TRIM24: variants seen among roughly 807,000 people sequenced by gnomAD.
The protein encoded by TRIM24 is tripartite motif containing 24.
In TRIM24, 29 loss-of-function variants were observed where a neutral mutation model predicts 123.9. The ratio of observed to expected loss-of-function variants is 0.23; its 90% CI spans 0.17 to 0.32. TRIM24 has a LOEUF of 0.32. TRIM24 is among the 10% of genes least tolerant of loss of function. The pLI is 1.00. For missense variants in TRIM24, 932 were observed against 1,295.3 expected (o/e 0.72, Z 4.31); for synonymous variants, 456 against 461.1 (o/e 0.99, Z 0.14).
rs1422690210 is a variant in TRIM24 at position 138,573,482 on chromosome 7, CTGAAA to C, written c.1879-23_1879-19del. The C allele has an allele frequency of 2.6e-6, 4 of 1,517,534 alleles. No homozygotes were observed. The highest frequency in any genetic ancestry group is 3.5e-6 in the Non-Finnish European group (4 of 1,130,268). 94.0% of individuals were successfully genotyped at this position (1,517,534 alleles called of 1,614,324 possible). On this transcript the variant is annotated intron_variant, in intron 11 of 18. Coordinates refer to ENST00000343526, the MANE Select transcript of TRIM24 (RefSeq NM_015905.3). ...TTTTAACTTGCAAAATCAGAATGCC[CTGAAA>C]TAATTTCTTTTCTTGTAAGATTGAC...
At chr7:138,480,115 G>A (rs1355184449) in intron 1 of TRIM24, among the ~76,000 whole-genome samples, 5 of 105,194 alleles carry the variant, frequency 4.8e-5, no homozygotes, top group East Asian at 4.4e-4. Context: ...CACCGCACCC[G>A]GGCCATGAAT....
At chr7:138,551,566 T>C (rs1048488835) in intron 8 of TRIM24, among the ~76,000 whole-genome samples, 2 of 152,244 alleles carry the variant, frequency 1.3e-5, no homozygotes, top group Admixed American at 1.3e-4. Context: ...TGGTAACAAA[T>C]ATACATGAAT....
intron 17 of TRIM24, 80 bp from the exon 18 acceptor site, chr7:138,583,770 T>C: frequency 9.7e-7 from 1 of 1,030,078 alleles, no homozygotes; most frequent in Non-Finnish European, 1.4e-6. Flanking sequence ...ATTCTGAATT[T>C]TAGAGCACAT....
At chr7:138,537,294 C>T (rs12533041) in intron 6 of TRIM24, among the ~76,000 whole-genome samples, 1 of 149,440 alleles carries the variant, frequency 6.7e-6, no homozygotes, top group Non-Finnish European at 1.5e-5. Context: ...AATCACCCAT[C>T]TTCTGCGTCA....
intron 6 of TRIM24, among the ~76,000 whole-genome samples, chr7:138,532,673 T>G (rs1563049767): frequency 6.6e-6 from 1 of 152,202 alleles, no homozygotes; most frequent in Non-Finnish European, 1.5e-5. Context: ...TTCTTTTGAC[T>G]TAGGATTGTC....
chr7:138,578,442 AAC>A (rs1324699861), intron 14 of TRIM24, among the ~76,000 whole-genome samples: 1 of 152,138 alleles, frequency 6.6e-6, no homozygotes, highest in African/African-American at 2.4e-5. Context: ...ACTGGCAATA[AAC>A]AGTTATACCA....
At chr7:138,473,374 T>C (rs1305059498) in intron 1 of TRIM24, among the ~76,000 whole-genome samples, 1 of 152,240 alleles carries the variant, frequency 6.6e-6, no homozygotes, top group Non-Finnish European at 1.5e-5. Flanking sequence ...ATGCATCATT[T>C]TGGGCAACAG....
At chr7:138,478,127 A>T (rs1238085759) in intron 1 of TRIM24, among the ~76,000 whole-genome samples, 1 of 152,206 alleles carries the variant, frequency 6.6e-6, no homozygotes, top group Admixed American at 6.5e-5. Flanking sequence ...TCCAACTAAA[A>T]TTATAAATTT....
chr7:138,496,872 A>G (rs1415760140), intron 1 of TRIM24, among the ~76,000 whole-genome samples: 1 of 152,136 alleles, frequency 6.6e-6, no homozygotes, highest in Admixed American at 6.6e-5. Context: ...TATTTTGTTA[A>G]CATAATGAAT....
At position 138,581,691 on chromosome 7, in the gene TRIM24, G is replaced by C. The variant is rs202115260; in HGVS notation, c.2719-6G>C. The C allele has an allele frequency of 1.2e-6, 2 of 1,604,950 alleles. No individual in the cohort carries two copies. The highest frequency in any genetic ancestry group is 4.5e-5 in the East Asian group (2 of 44,738). ...TTTATCTCAGTTTTTATTTATTTTT[G>C]CTTAGAAGTGTGAGCGCCTACTTTT... On this transcript the variant is annotated splice_polypyrimidine_tract_variant and splice_region_variant and intron_variant, in intron 16 of 18. Coordinates refer to ENST00000343526, the MANE Select transcript of TRIM24 (RefSeq NM_015905.3).
chr7:138,519,254 C>G lies in TRIM24; in HGVS notation c.697C>G (p.Leu233Val), dbSNP rs1796459127. The G allele has an allele frequency of 6.2e-7, 1 of 1,613,986 alleles. No individual in the cohort carries two copies. The highest frequency in any genetic ancestry group is 1.7e-5 in the Admixed American group (1 of 59,988). ...TTTTCATAAAAAGGAGCAGCTGAAG[C>G]TGTACTGTGAGACATGTGACAAACT... Reference protein sequence around the residue: ...CPFHKKEQLKLYCETCDKLTC... With the variant: ...CPFHKKEQLKVYCETCDKLTC... The change falls in exon 4 of 19, where the codon CTG becomes GTG. Residue 233 changes from leucine (L) to valine (V), a missense_variant. This residue lies in a region of TRIM24 where 74 missense variants were observed against 163.6 expected (regional missense o/e 0.45). Transcript: ENST00000343526.
intron 4 of TRIM24, 23 bp downstream of exon 4, chr7:138,519,344 A>G (rs1361346851): frequency 6.4e-7 from 1 of 1,573,264 alleles, no homozygotes; most frequent in East Asian, 2.2e-5. Context: ...TTGGTTATAT[A>G]TATAGATTCA....
At chr7:138,562,085 G>C (rs139964583) in intron 9 of TRIM24, among the ~76,000 whole-genome samples, 1 of 152,186 alleles carries the variant, frequency 6.6e-6, no homozygotes, top group East Asian at 1.9e-4. Flanking sequence ...CTTCTTCCTG[G>C]ACACCTTATA....
In TRIM24 at chr7:138,464,198, G is replaced by A. The variant is rs1443326485; in HGVS notation, c.364+3286G>A. ...TTTTTAGTAGAGACGGGGTTTCACC[G>A]TGTTAGCCAGGATGGTCTCGATCTC... On this transcript the variant is annotated intron_variant, in intron 1 of 18. Coordinates refer to ENST00000343526, the MANE Select transcript of TRIM24 (RefSeq NM_015905.3). Among the ~76,000 whole-genome samples the A allele has an allele frequency of 3.3e-5, 5 of 151,296 alleles. No individual in the cohort carries two copies. The East Asian group carries it at 5.8e-4, about 18-fold the overall frequency.
At chr7:138,556,467 C>G (rs1797318638) in intron 9 of TRIM24, 1 of 152,146 alleles carries the variant, frequency 6.6e-6, no homozygotes, top group Non-Finnish European at 1.5e-5. Context: ...TACTTTATAG[C>G]TGTCTGCCTT....
intron 11 of TRIM24, among the ~76,000 whole-genome samples, chr7:138,572,087 TTTCA>T (rs1394470369): frequency 7.2e-5 from 11 of 152,206 alleles, no homozygotes; most frequent in Admixed American, 6.5e-4. Context: ...ACTTTTTTAT[TTTCA>T]TTATTTGTTT....
Position 138,495,192 on chromosome 7 carries a change from G to A in TRIM24, c.365-9098G>A, listed in dbSNP as rs145422054. 5.1e-4 allele frequency among the ~76,000 whole-genome samples: 77 copies of A among 152,300 alleles called. 1 individual carries two copies. The highest frequency in any genetic ancestry group is 1.8e-3 in the Admixed American group (28 of 15,298). On this transcript the variant is annotated intron_variant, in intron 1 of 18. Transcript: ENST00000343526. Reference sequence around the variant, plus strand: ...ATGGAATTGAGTGATAAAGATGGAAGAGAAATTTGCTATACTTTTTAATAA... The same window carrying A: ...ATGGAATTGAGTGATAAAGATGGAAAAGAAATTTGCTATACTTTTTAATAA...
intron 1 of TRIM24, among the ~76,000 whole-genome samples, chr7:138,477,911 T>C (rs1290871137): frequency 1.3e-5 from 2 of 152,196 alleles, no homozygotes; most frequent in East Asian, 1.9e-4. Flanking sequence ...TTTGAACATA[T>C]TGAAAAGGGT....
At chr7:138,463,185 TG>T (rs916307621) in intron 1 of TRIM24, among the ~76,000 whole-genome samples, 3 of 144,618 alleles carry the variant, frequency 2.1e-5, no homozygotes, top group African/African-American at 7.7e-5. Context: ...CCACCGCACC[TG>T]GCCTGTTCTT....
Sources: gnomAD v4.1 joint callset for allele counts (sites outside exome capture counted in the v4.1 genomes callset) on GRCh38, gnomAD v4.1.1 for gene constraint, gnomAD v4.1.1 regional missense constraint, MANE v1.5 for transcripts, NCBI Gene and HGNC (gene_info 2026-07-23, HGNC 2026-07-21) for gene names.